Variants in GRIN2D observed in about 807,000 individuals in gnomAD.
GRIN2D encodes glutamate ionotropic receptor NMDA type subunit 2D, also known as glutamate receptor ionotropic, NMDA 2D.
Under a neutral mutation model 103.2 loss-of-function variants are expected in GRIN2D, and 37 were observed. The observed-to-expected ratio is 0.36, with a 90% confidence interval of 0.28 to 0.47. The LOEUF is 0.47. GRIN2D is among the 20% of genes least tolerant of loss of function. The pLI is 1.00. For synonymous variants in GRIN2D, 845 were observed against 885.6 expected, an observed-to-expected ratio of 0.95 and a Z score of 0.81; for missense variants, 1,557 against 1,910.6, an observed-to-expected ratio of 0.81 and a Z score of 3.45.
chr19:48,405,498 C>G lies in GRIN2D; in HGVS notation c.1085+145C>G. On this transcript the variant is annotated intron_variant, in intron 4 of 13. Transcript: ENST00000263269. This position sits in a 1 kb window ranked among gnomAD's most constrained non-coding sequence, Gnocchi z 5.1. ...CTGTAAAGTGGGTGCAATTGGGTCT[C>G]TTTTCTGAGGTTAAATCAAGTAATT... is the stretch of plus-strand genomic sequence containing the variant. The G allele has an allele frequency of 1.2e-6, 1 of 810,308 alleles. No homozygotes were observed. Among genetic ancestry groups the G allele is most frequent in the Non-Finnish European group, 1.8e-6 (1 of 551,862 alleles). 50.2% of individuals were successfully genotyped at this position (810,308 alleles called of 1,614,324 possible). A position where few individuals can be genotyped will look rare whatever the true frequency, so the allele number is the denominator to read the frequency against.
At chr19:48,413,568 A>T (rs1389014571) in intron 4 of GRIN2D, among the ~76,000 whole-genome samples, 2 of 148,460 alleles carry the variant, frequency 1.3e-5, no homozygotes, top group Admixed American at 1.4e-4. Context: ...AGGCTGAGGC[A>T]GGAGAATCAC....
At chr19:48,400,837 G>A (rs1206162868) in intron 3 of GRIN2D, among the ~76,000 whole-genome samples, 7 of 152,202 alleles carry the variant, frequency 4.6e-5, no homozygotes, top group Middle Eastern at 6.8e-3. Context: ...AGGCCGAGGC[G>A]GGCAGATCAC....
rs1448375763 is a variant in GRIN2D at position 48,443,798 on chromosome 19, C to G, written c.3872C>G (p.Ser1291Cys). 4 of 1,474,532 alleles carry G rather than the reference C, an allele frequency of 2.7e-6. No individual in the cohort carries two copies. The highest frequency in any genetic ancestry group is 2.4e-5 in the Admixed American group (1 of 42,090). 91.3% of individuals were successfully genotyped at this position (1,474,532 alleles called of 1,614,324 possible). ...CCTGCGCGCAGGCTTACCGGGCCCT[C>G]CCGCCACGCTCGCAGGTGTCCGCAC... ...AAPARRLTGP[S>C]RHARRCPHAA... The change falls in exon 14 of 14, where the codon TCC (serine) becomes TGC (cysteine). Residue 1291 changes from serine (S) to cysteine (C), a missense_variant. Physicochemically the swap from Ser to Cys is moderately radical, Grantham distance 112 (BLOSUM62 -1). This residue lies in a region of GRIN2D where 88 missense variants were observed against 84.3 expected (regional missense o/e 1.04). Coordinates refer to ENST00000263269, the MANE Select transcript of GRIN2D (RefSeq NM_000836.4). The surrounding 1 kb of genome is among the most constrained non-coding windows in gnomAD (Gnocchi z 8.9).
chr19:48,393,935 C>T lies in GRIN2D; in HGVS notation c.-306+67C>T, dbSNP rs990822008. Among the ~76,000 whole-genome samples the T allele has an allele frequency of 6.6e-6, 1 of 151,920 alleles. No homozygotes were observed. The highest frequency in any genetic ancestry group is 1.5e-5 in the Non-Finnish European group (1 of 67,960). On this transcript the variant is annotated intron_variant, in intron 1 of 13. Transcript: ENST00000263269. This position sits in a 1 kb window ranked among gnomAD's most constrained non-coding sequence, Gnocchi z 5.6. ...AGGGGGGGTGTGTCTGTAAGCGCTGCGGCGGCGGAGGGAGGGAGGGGTCTG... is the reference window on the plus strand; with the variant it reads ...AGGGGGGGTGTGTCTGTAAGCGCTGTGGCGGCGGAGGGAGGGAGGGGTCTG...
chr19:48,443,635 C>T lies in GRIN2D; in HGVS notation c.3709C>T (p.Arg1237Trp), dbSNP rs1971337796. 9.2e-7 allele frequency: 1 copy of T among 1,081,982 alleles called. No homozygotes were observed. The allele number at this position is 1,081,982 out of a possible 1,614,324, so 67.0% of individuals were successfully genotyped here. ...GCPRSHPHRP[R>W]ASHRTPAAAA... is the part of the protein sequence containing the mutation. ...CCCGCGGTCGCACCCGCACCGCCCG[C>T]GGGCCTCGCACCGCACGCCCGCCGC... Residue 1237 changes from arginine to tryptophan, a missense_variant, in exon 14 of 14, where the codon CGG becomes TGG. Transcript: ENST00000263269. The surrounding 1 kb of genome is among the most constrained non-coding windows in gnomAD (Gnocchi z 8.9).
Position 48,442,898 on chromosome 19 carries a change from C to T in GRIN2D, c.2972C>T (p.Pro991Leu). The change falls in exon 14 of 14, where the codon CCG (proline) becomes CTG (leucine). Residue 991 changes from proline to leucine, a missense_variant. By Grantham distance (98) the Pro-to-Leu change is moderately conservative. Coordinates refer to ENST00000263269, the MANE Select transcript of GRIN2D (RefSeq NM_000836.4). The surrounding 1 kb of genome is among the most constrained non-coding windows in gnomAD (Gnocchi z 7.2). Reference sequence around the variant, plus strand: ...GCACCGCGGGGCGCAGCCGGGCGCCCGCTGTCCCCGCCGGCCGCTCAGCCC... The same window carrying T: ...GCACCGCGGGGCGCAGCCGGGCGCCTGCTGTCCCCGCCGGCCGCTCAGCCC... ...RAAPRGAAGR[P>L]LSPPAAQPPQ... 6.4e-6 allele frequency: 7 copies of T among 1,096,426 alleles called. No homozygotes were observed. The highest frequency in any genetic ancestry group is 7.7e-6 in the Non-Finnish European group (7 of 904,250). The allele number at this position is 1,096,426 out of a possible 1,614,324, so 67.9% of individuals were successfully genotyped here. A position where few individuals can be genotyped will look rare whatever the true frequency, so the allele number is the denominator to read the frequency against.
chr19:48,440,728 C>T (rs1053990383), intron 11 of GRIN2D, among the ~76,000 whole-genome samples: 1 of 152,000 alleles, frequency 6.6e-6, no homozygotes, highest in Admixed American at 6.6e-5. Context: ...TCTCTGTCAC[C>T]CAGGCTGGAG....
chr19:48,427,117 C>G (rs573606194), intron 11 of GRIN2D, among the ~76,000 whole-genome samples: 1 of 151,778 alleles, frequency 6.6e-6, no homozygotes, highest in Admixed American at 6.6e-5. Flanking sequence ...GTCAGGAGTT[C>G]GAGACCAGCC....
rs1234556597 is a variant in GRIN2D at position 48,421,302 on chromosome 19, C to T, written c.2092-483C>T. Among the ~76,000 whole-genome samples the T allele has an allele frequency of 1.3e-5, 2 of 152,002 alleles. No individual in the cohort carries two copies. The highest frequency in any genetic ancestry group is 1.5e-5 in the Non-Finnish European group (1 of 68,018). Reference sequence around the variant, plus strand: ...AACTGGCTGGGCATGGTGGTATGTGCCTGTAATCCCAGCTACTCGGGAGGC... The same window carrying T: ...AACTGGCTGGGCATGGTGGTATGTGTCTGTAATCCCAGCTACTCGGGAGGC... On this transcript the variant is annotated intron_variant, in intron 10 of 13. Transcript: ENST00000263269. This position sits in a 1 kb window ranked among gnomAD's most constrained non-coding sequence, Gnocchi z 4.8.
intron 7 of GRIN2D, among the ~76,000 whole-genome samples, chr19:48,415,383 A>T (rs1038595677): frequency 1.3e-5 from 2 of 149,848 alleles, no homozygotes; most frequent in Admixed American, 1.3e-4. Flanking sequence ...AAATAATAAT[A>T]AAAAAAAAGA....
At chr19:48,435,166 C>T (rs949836046) in intron 11 of GRIN2D, among the ~76,000 whole-genome samples, 32 of 152,056 alleles carry the variant, frequency 2.1e-4, no homozygotes, top group Admixed American at 1.8e-3. Context: ...ATCAAGGTGT[C>T]GGCAGTGATG....
intron 11 of GRIN2D, among the ~76,000 whole-genome samples, chr19:48,436,563 G>A (rs1229878044): frequency 2.0e-5 from 3 of 152,184 alleles, no homozygotes; most frequent in East Asian, 3.8e-4. Flanking sequence ...GCAAGAAGGG[G>A]GTCTTTTTAG....
intron 3 of GRIN2D, among the ~76,000 whole-genome samples, chr19:48,400,693 C>T (rs1025355721): frequency 2.0e-4 from 30 of 152,150 alleles, no homozygotes; most frequent in African/African-American, 6.3e-4. Flanking sequence ...CCATCTGTGC[C>T]CCACTGAATG....
chr19:48,439,404 C>G (rs1193071045), intron 11 of GRIN2D, among the ~76,000 whole-genome samples: 1 of 151,972 alleles, frequency 6.6e-6, no homozygotes, highest in Admixed American at 6.6e-5. Flanking sequence ...ATCTATCAAC[C>G]CCGTCCTACA....
chr19:48,436,147 G>A (rs1264901953), intron 11 of GRIN2D, among the ~76,000 whole-genome samples: 1 of 152,196 alleles, frequency 6.6e-6, no homozygotes, highest in Non-Finnish European at 1.5e-5. Flanking sequence ...CGCAGAGCCG[G>A]CTGTGTGGGA....
intron 2 of GRIN2D, among the ~76,000 whole-genome samples, chr19:48,396,062 C>T (rs138539540): frequency 1.3e-5 from 2 of 152,114 alleles, no homozygotes; most frequent in East Asian, 3.9e-4. Context: ...CTGAGGAAGG[C>T]AGGCTGGGAG....
At chr19:48,435,301 T>TG (rs1479553690) in intron 11 of GRIN2D, among the ~76,000 whole-genome samples, 1 of 148,932 alleles carries the variant, frequency 6.7e-6, no homozygotes, top group Non-Finnish European at 1.5e-5. Flanking sequence ...CACTTGTTTT[T>TG]TTTTTTTTTT....
Position 48,414,539 on chromosome 19 carries a change from T to A in GRIN2D, c.1367T>A (p.Ile456Asn). Residue 456 changes from isoleucine to asparagine, a missense_variant, in exon 6 of 14, where the codon ATC becomes AAC. By Grantham distance (149) the Ile-to-Asn change is moderately radical. This residue lies in a region of GRIN2D where 197 missense variants were observed against 334.1 expected (regional missense o/e 0.59). Transcript: ENST00000263269. This position sits in a 1 kb window ranked among gnomAD's most constrained non-coding sequence, Gnocchi z 4.6. ...GCAGACCCTATCAGCGGCACCTGCA[T>A]CCGAGACTCCGTCCCCTGCCGGAGC... ...EPADPISGTCIRDSVPCRSQL... is the reference protein window; with the variant it reads ...EPADPISGTCNRDSVPCRSQL... The A allele has an allele frequency of 6.4e-7, 1 of 1,556,168 alleles. No individual in the cohort carries two copies. The highest frequency in any genetic ancestry group is 8.7e-7 in the Non-Finnish European group (1 of 1,150,356).
chr19:48,435,339 C>T (rs1031768406), intron 11 of GRIN2D, among the ~76,000 whole-genome samples: 11 of 147,410 alleles, frequency 7.5e-5, no homozygotes, highest in East Asian at 4.0e-4. Flanking sequence ...GCTCTTGCTC[C>T]ATTGCCCGGG....
Sources: allele counts gnomAD v4.1 joint callset (sites outside exome capture counted in the v4.1 genomes callset), GRCh38; gene constraint gnomAD v4.1.1; regional missense constraint gnomAD v4.1.1; non-coding constraint Gnocchi (gnomAD v3.1); transcripts MANE v1.5; gene names NCBI Gene and HGNC (gene_info 2026-07-23, HGNC 2026-07-21).